The following SLC44A5 variants were observed in gnomAD, a reference collection of about 807,000 sequenced individuals.
The protein encoded by SLC44A5 is choline transporter-like protein 5.
In SLC44A5, 57 loss-of-function variants were observed where a neutral mutation model predicts 101.8. The observed-to-expected ratio is 0.56, with a 90% CI of 0.45 to 0.70. The LOEUF (loss-of-function observed/expected upper bound fraction) is 0.70. Ranked by LOEUF, SLC44A5 falls within the 30% of genes least tolerant of loss-of-function variation. The pLI, the probability that SLC44A5 is intolerant of heterozygous loss-of-function variation, is 0.00. For synonymous variants in SLC44A5, 281 were observed against 290.9 expected (o/e 0.97, Z 0.35); for missense variants, 737 against 853.1 (o/e 0.86, Z 1.70).
rs941557940 is a variant in SLC44A5, at chr1:75,524,612, T to G, written c.13+16823A>C. Among the ~76,000 whole-genome samples, 5 of 152,298 alleles carry G rather than the reference T, an allele frequency of 3.3e-5. No homozygotes were observed. The East Asian group carries it at 9.6e-4, about 29-fold the overall frequency. On this transcript the variant is annotated intron_variant, in intron 2 of 23. Transcript: ENST00000370859. ...TCAGGATAATGGTCATATATCAGGA[T>G]TTCTCTGGGCAAACAAGGTTATATG...
At chr1:75,483,213 G>A (rs1667969458) in intron 2 of SLC44A5, among the ~76,000 whole-genome samples, 1 of 152,190 alleles carries the variant, frequency 6.6e-6, no homozygotes, top group South Asian at 2.1e-4. Flanking sequence ...ACCTCAGATG[G>A]AGATTAATCA....
At chr1:75,253,744 T>A (rs1353735816) in intron 6 of SLC44A5, among the ~76,000 whole-genome samples, 2 of 152,180 alleles carry the variant, frequency 1.3e-5, no homozygotes, top group African/African-American at 2.4e-5. Context: ...AATTGATTTA[T>A]AAACTGCAAA....
intron 4 of SLC44A5, among the ~76,000 whole-genome samples, chr1:75,311,044 T>C (rs1655255270): frequency 6.6e-6 from 1 of 152,002 alleles, no homozygotes; most frequent in Admixed American, 6.6e-5. Context: ...TATATTTAAA[T>C]CATTAGACAT....
chr1:75,715,273 T>G, the SLC44A5 span, among the ~76,000 whole-genome samples: 5 of 151,804 alleles, frequency 3.3e-5, no homozygotes, highest in East Asian at 9.6e-4. Context: ...ATGGCATTCT[T>G]CACAGAGTTT....
chr1:75,512,154 A>G (rs1669600763), intron 2 of SLC44A5, among the ~76,000 whole-genome samples: 1 of 152,218 alleles, frequency 6.6e-6, no homozygotes, highest in Non-Finnish European at 1.5e-5. Context: ...CCCTAAATAT[A>G]TAATCTACTT....
At chr1:75,614,852 C>T (rs1675797582), upstream of SLC44A5, among the ~76,000 whole-genome samples, 1 of 152,150 alleles carries the variant, frequency 6.6e-6, no homozygotes, top group African/African-American at 2.4e-5. Context: ...GTGTCGAGCC[C>T]ACTTCCACCT....
chr1:75,228,562 ATATATT>A (rs1647291450), intron 12 of SLC44A5, among the ~76,000 whole-genome samples: 1 of 151,774 alleles, frequency 6.6e-6, no homozygotes. Context: ...TTATATACTG[ATATATT>A]TATATTTGTT....
At chr1:75,297,667 A>C in intron 5 of SLC44A5, among the ~76,000 whole-genome samples, 1 of 152,250 alleles carries the variant, frequency 6.6e-6, no homozygotes, top group East Asian at 1.9e-4. Flanking sequence ...GGAAAGAATA[A>C]TTTGCATAAT....
At chr1:75,680,064 A>G in the SLC44A5 span, among the ~76,000 whole-genome samples, 1 of 152,246 alleles carries the variant, frequency 6.6e-6, no homozygotes, top group African/African-American at 2.4e-5. Context: ...AGAGCTAACT[A>G]TCCTAAATAT....
intron 2 of SLC44A5, among the ~76,000 whole-genome samples, chr1:75,460,607 A>G (rs1666444994): frequency 6.6e-6 from 1 of 152,208 alleles, no homozygotes; most frequent in African/African-American, 2.4e-5. Flanking sequence ...CAGCTGTGGG[A>G]CAATCTCAGA....
At chr1:75,410,097 C>T (rs1663178074) in intron 2 of SLC44A5, among the ~76,000 whole-genome samples, 1 of 152,026 alleles carries the variant, frequency 6.6e-6, no homozygotes, top group Non-Finnish European at 1.5e-5. Context: ...GTCTTTAATA[C>T]TATAGTGTGA....
chr1:75,357,563 G>A (rs987217863), intron 3 of SLC44A5, among the ~76,000 whole-genome samples: 1 of 152,112 alleles, frequency 6.6e-6, no homozygotes, highest in African/African-American at 2.4e-5. Flanking sequence ...CAAAGGCCCT[G>A]GAAAATGTGA....
chr1:75,218,074 G>A, intron 17 of SLC44A5, 114 bp from the exon 18 acceptor site: 1 of 711,788 alleles, frequency 1.4e-6, no homozygotes, highest in Non-Finnish European at 2.4e-6. Flanking sequence ...ACAGCAAAGA[G>A]ACTTTTGCAC....
chr1:75,272,329 CTTT>C (rs61199324), intron 6 of SLC44A5, among the ~76,000 whole-genome samples: 5 of 143,062 alleles, frequency 3.5e-5, no homozygotes, highest in Non-Finnish European at 3.1e-5. Context: ...GGTCCCATTT[CTTT>C]TTTTTTTTTT....
At chr1:75,275,808 T>C (rs959180684) in intron 5 of SLC44A5, among the ~76,000 whole-genome samples, 2 of 152,134 alleles carry the variant, frequency 1.3e-5, no homozygotes, top group Non-Finnish European at 2.9e-5. Flanking sequence ...TAGCTGAATA[T>C]TTCTAACTTC....
intron 1 of SLC44A5, among the ~76,000 whole-genome samples, chr1:75,549,856 T>C (rs1557897957): frequency 6.6e-6 from 1 of 152,076 alleles, no homozygotes. Flanking sequence ...GTGAACATCC[T>C]GTAAAGGCTC....
intron 1 of SLC44A5, among the ~76,000 whole-genome samples, chr1:75,561,562 A>G (rs1672519773): frequency 6.6e-6 from 1 of 152,136 alleles, no homozygotes; most frequent in Non-Finnish European, 1.5e-5. Context: ...TTCAATAAAC[A>G]CTGAATGCAT....
intron 1 of SLC44A5, among the ~76,000 whole-genome samples, chr1:75,610,140 C>G (rs1570740318): frequency 1.2e-5 from 1 of 85,624 alleles, no homozygotes. Context: ...AAGAAATACA[C>G]ACACACACAC....
intron 4 of SLC44A5, among the ~76,000 whole-genome samples, chr1:75,332,338 C>G (rs1657118515): frequency 6.6e-6 from 1 of 152,130 alleles, no homozygotes; most frequent in Non-Finnish European, 1.5e-5. Flanking sequence ...TCTTTAGGGA[C>G]TTTGAATTTC....
Sources: gnomAD v4.1 joint callset for allele counts (sites outside exome capture counted in the v4.1 genomes callset) on GRCh38, gnomAD v4.1.1 for gene constraint, MANE v1.5 for transcripts, NCBI Gene and HGNC (gene_info 2026-07-23, HGNC 2026-07-21) for gene names.